LZTFL1: variants seen among roughly 807,000 people sequenced by gnomAD.
LZTFL1 encodes leucine zipper transcription factor like 1, also known as leucine zipper transcription factor-like protein 1.
Under a neutral mutation model 45.9 loss-of-function variants are expected in LZTFL1, and 25 were observed. The observed-to-expected ratio is 0.54, with a 90% CI of 0.40 to 0.76. The LOEUF is 0.76. Ranked by LOEUF, LZTFL1 falls within the 30% of genes least tolerant of loss-of-function variation. The pLI is 0.00. For synonymous variants in LZTFL1, 93 were observed against 117.4 expected (o/e 0.79, Z 1.35); for missense variants, 277 against 331.1 (o/e 0.84, Z 1.27).
chr3:45,900,798 G>A lies in LZTFL1; in HGVS notation c.-215+12322C>T. On this transcript the variant is annotated intron_variant, in intron 2 of 4. Transcript: ENST00000472635. This position sits in a 1 kb window ranked among gnomAD's most constrained non-coding sequence, Gnocchi z 4.7. Reference sequence around the variant, plus strand: ...TTTCCTTGACCTAATGCCATCTTGTGTCCCCTTGCAGAGCCCTATTCCTAA... The same window carrying A: ...TTTCCTTGACCTAATGCCATCTTGTATCCCCTTGCAGAGCCCTATTCCTAA... The A allele has an allele frequency of 6.3e-7, 1 of 1,599,730 alleles. No homozygotes were observed. The highest frequency in any genetic ancestry group is 8.5e-7 in the Non-Finnish European group (1 of 1,170,932).
intron 2 of LZTFL1, among the ~76,000 whole-genome samples, chr3:45,882,022 C>T (rs1235584626): frequency 6.6e-6 from 1 of 152,254 alleles, no homozygotes; most frequent in African/African-American, 2.4e-5. Context: ...GTCATGTTCA[C>T]TAGCTATATG....
intron 4 of LZTFL1, among the ~76,000 whole-genome samples, chr3:45,848,069 G>T (rs1701246001): frequency 6.6e-6 from 1 of 152,122 alleles, no homozygotes; most frequent in South Asian, 2.1e-4. Flanking sequence ...TCTGGCTTTA[G>T]ATCCTTCATC....
chr3:45,895,206 G>T, intron 2 of LZTFL1: 1 of 532,340 alleles, frequency 1.9e-6, no homozygotes, highest in Non-Finnish European at 3.3e-6. Flanking sequence ...AACAGCTAAG[G>T]ATTTTTAACC....
intron 2 of LZTFL1, chr3:45,897,497 G>A: frequency 9.6e-7 from 1 of 1,037,564 alleles, no homozygotes; most frequent in South Asian, 1.4e-5. Context: ...ACCGGGCAGT[G>A]GAGAAAGCTG....
chr3:45,838,185 C>CAGCCA, intron 1 of LZTFL1, 134 bp from the exon 2 acceptor site: 10 of 951,740 alleles, frequency 1.1e-5, no homozygotes, highest in Non-Finnish European at 1.4e-5. Context: ...TTCTTCCTGG[C>CAGCCA]TGCATGGCTG....
At chr3:45,907,150 G>A (rs542628108) in intron 2 of LZTFL1, among the ~76,000 whole-genome samples, 150 of 152,316 alleles carry the variant, frequency 9.8e-4, no homozygotes, top group Middle Eastern at 3.4e-3. Flanking sequence ...CTGGGTCTAG[G>A]TGGCCAGGCT....
At chr3:45,915,169 A>G (rs1036121661) in intron 1 of LZTFL1, among the ~76,000 whole-genome samples, 6 of 152,158 alleles carry the variant, frequency 3.9e-5, no homozygotes, top group African/African-American at 1.4e-4. Context: ...TGCATGGGGC[A>G]GCTTCAGCCA....
chr3:45,901,269 AG>A lies in LZTFL1; in HGVS notation c.-215+11850del, dbSNP rs1309166275. On this transcript the variant is annotated intron_variant, in intron 2 of 4. Coordinates refer to the LZTFL1 transcript ENST00000472635. This position sits in a 1 kb window ranked among gnomAD's most constrained non-coding sequence, Gnocchi z 4.3. ...GAGAGCACATACTTGGAGGGAGAAA[AG>A]GCTTTTGTACAGCAAAATGGTTTGC... 2.5e-6 allele frequency: 4 copies of A among 1,614,098 alleles called. No individual in the cohort carries two copies. Among genetic ancestry groups the A allele is most frequent in the Non-Finnish European group, 3.4e-6 (4 of 1,180,042 alleles).
At chr3:45,857,183 C>T (rs1208042098) in intron 3 of LZTFL1, among the ~76,000 whole-genome samples, 8 of 152,162 alleles carry the variant, frequency 5.3e-5, no homozygotes, top group South Asian at 2.1e-4. Context: ...TGGAATACTA[C>T]GCAGCCATAA....
At chr3:45,891,753 T>C (rs890499011) in intron 2 of LZTFL1, among the ~76,000 whole-genome samples, 2 of 152,222 alleles carry the variant, frequency 1.3e-5, no homozygotes, top group Admixed American at 6.5e-5. Flanking sequence ...TTGTCCTGTC[T>C]CTTTAGTCTC....
At chr3:45,868,482 A>C (rs558361574) in intron 2 of LZTFL1, among the ~76,000 whole-genome samples, 1 of 152,340 alleles carries the variant, frequency 6.6e-6, no homozygotes, top group African/African-American at 2.4e-5. Flanking sequence ...TCACATACAC[A>C]CATGTAAAGC....
Position 45,826,079 on chromosome 3 carries a change from T to A in LZTFL1, c.*235A>T, listed in dbSNP as rs1450260904. On this transcript the variant is annotated 3_prime_UTR_variant, in exon 10 of 10. Transcript: ENST00000296135. ...TGCTGTAAAGAATTCTCAGTGCATGTGAGCTAAGACTCTGGAGCACTCAGT... is the reference window on the plus strand; with the variant it reads ...TGCTGTAAAGAATTCTCAGTGCATGAGAGCTAAGACTCTGGAGCACTCAGT... 2.3e-6 allele frequency: 1 copy of A among 440,792 alleles called. No homozygotes were observed. Among genetic ancestry groups the A allele is most frequent in the African/African-American group, 2.0e-5 (1 of 49,430 alleles). 27.3% of individuals were successfully genotyped at this position (440,792 alleles called of 1,614,324 possible).
rs949096847 is a variant in LZTFL1, at chr3:45,823,357, A to G, written c.*2957T>C. On this transcript the variant is annotated 3_prime_UTR_variant, in exon 10 of 10. Transcript: ENST00000296135. ...AGTGGTTTTTTAATCTGTAAAAGTTAAAGGATGTATTATAGGCAAAAAAGA... is the reference window on the plus strand; with the variant it reads ...AGTGGTTTTTTAATCTGTAAAAGTTGAAGGATGTATTATAGGCAAAAAAGA... 2 of 152,352 alleles carry G rather than the reference A, an allele frequency of 1.3e-5. No individual in the cohort carries two copies. Among genetic ancestry groups the G allele is most frequent in the East Asian group, 3.9e-4 (2 of 5,192 alleles). The allele number at this position is 152,352 out of a possible 1,614,324, so 9.4% of individuals were successfully genotyped here.
chr3:45,915,643 T>TA, upstream of LZTFL1: 2 of 383,194 alleles, frequency 5.2e-6, no homozygotes, highest in South Asian at 1.9e-5. Flanking sequence ...ATTTTTTAGC[T>TA]AAAAAAGACT....
chr3:45,831,139 CT>C lies in LZTFL1; in HGVS notation c.457-2del. 1.3e-6 allele frequency: 2 copies of C among 1,552,500 alleles called. No individual in the cohort carries two copies. Among genetic ancestry groups the C allele is most frequent in the East Asian group, 2.3e-5 (1 of 44,074 alleles). On this transcript the variant is annotated splice_acceptor_variant, in intron 5 of 9. Coordinates refer to ENST00000296135, the MANE Select transcript of LZTFL1 (RefSeq NM_020347.4). LOFTEE classifies it high-confidence loss of function. The stretch of plus-strand genomic sequence containing the variant: ...TCTCTTCTTGAAGTCTTAAAATTTC[CT>C]TTGTGAGTAAATTCAAATTTTATTA...
chr3:45,833,121 G>A lies in LZTFL1; in HGVS notation c.385C>T (p.Pro129Ser). The A allele has an allele frequency of 6.2e-7, 1 of 1,610,688 alleles. No homozygotes were observed. Among genetic ancestry groups the A allele is most frequent in the Non-Finnish European group, 8.5e-7 (1 of 1,177,010 alleles). ...KAEITSSNKK[P>S]ILDVTKPKLA... ...TTTGGCTTTGTGACATCTAAGATGG[G>A]CTGAAACAAAATAAAGAAACCAAAC... Residue 129 changes from proline (P) to serine (S), a missense_variant and splice_region_variant, in exon 5 of 10, where the codon CCC (proline) becomes TCC (serine). Transcript: ENST00000296135.
At chr3:45,911,328 CTGACTAA>C in intron 2 of LZTFL1, among the ~76,000 whole-genome samples, 1 of 152,356 alleles carries the variant, frequency 6.6e-6, no homozygotes, top group African/African-American at 2.4e-5. Context: ...ACTTGACTAG[CTGACTAA>C]TGCCCAGAAG....
intron 2 of LZTFL1, among the ~76,000 whole-genome samples, chr3:45,876,897 A>G (rs1701756151): frequency 6.6e-6 from 1 of 152,184 alleles, no homozygotes. Flanking sequence ...GGTTAGTCAC[A>G]GGACTGGGGA....
chr3:45,874,061 T>A (rs1166740448), intron 2 of LZTFL1, among the ~76,000 whole-genome samples: 1 of 152,240 alleles, frequency 6.6e-6, no homozygotes, highest in Non-Finnish European at 1.5e-5. Flanking sequence ...ATTAAGAGTT[T>A]ACTACATGTC....
Sources: allele counts gnomAD v4.1 joint callset (sites outside exome capture counted in the v4.1 genomes callset), GRCh38; gene constraint gnomAD v4.1.1; non-coding constraint Gnocchi (gnomAD v3.1); transcripts MANE v1.5; gene names NCBI Gene and HGNC (gene_info 2026-07-23, HGNC 2026-07-21).